DGKB: variants seen among roughly 807,000 people sequenced by gnomAD.
DGKB encodes diacylglycerol kinase beta.
A neutral mutation model predicts 114.3 loss-of-function variants in DGKB; 67 were observed. The ratio of observed to expected loss-of-function variants is 0.59; its 90% CI spans 0.48 to 0.72. DGKB has a LOEUF of 0.72. Ranked by LOEUF, DGKB falls within the 30% of genes least tolerant of loss-of-function variation. The pLI is 0.00. For missense variants in DGKB, 907 were observed against 975.2 expected (o/e 0.93, Z 0.93); for synonymous variants, 398 against 323.1 (o/e 1.23, Z -2.49).
At chr7:14,920,622 T>G (rs924922892) in intron 1 of DGKB, among the ~76,000 whole-genome samples, 2 of 152,198 alleles carry the variant, frequency 1.3e-5, no homozygotes, top group Non-Finnish European at 1.5e-5. Context: ...TCTTATCATA[T>G]GATCCAGCAA....
chr7:14,561,421 G>T (rs115303143), intron 20 of DGKB, among the ~76,000 whole-genome samples: 1 of 152,154 alleles, frequency 6.6e-6, no homozygotes. Flanking sequence ...CAAGAGTGGC[G>T]TGCTGTTTTA....
At chr7:14,933,731 C>G (rs1421126149) in intron 1 of DGKB, among the ~76,000 whole-genome samples, 1 of 152,076 alleles carries the variant, frequency 6.6e-6, no homozygotes, top group Non-Finnish European at 1.5e-5. Context: ...GTTTAACAAG[C>G]TTCTACAGAA....
chr7:14,365,023 T>C (rs1196577991), intron 21 of DGKB, among the ~76,000 whole-genome samples: 2 of 151,940 alleles, frequency 1.3e-5, no homozygotes, highest in Non-Finnish European at 2.9e-5. Context: ...ACTTTTCTTT[T>C]GAAACTTACC....
chr7:14,903,232 T>TGTGTGG (rs1485843959), upstream of DGKB: 1 of 153,416 alleles, frequency 6.5e-6, no homozygotes, highest in African/African-American at 2.4e-5. Flanking sequence ...TGTGTGTGTG[T>TGTGTGG]GTGTGTGTGT....
At chr7:14,297,562 A>T (rs1291170294) in intron 23 of DGKB, among the ~76,000 whole-genome samples, 1 of 152,198 alleles carries the variant, frequency 6.6e-6, no homozygotes, top group African/African-American at 2.4e-5. Context: ...TCTCAAAATA[A>T]TAAGAGCTGT....
At chr7:14,403,519 A>AC (rs1554410088) in intron 21 of DGKB, among the ~76,000 whole-genome samples, 1 of 30,082 alleles carries the variant, frequency 3.3e-5, no homozygotes, top group Non-Finnish European at 2.7e-4. Context: ...ACCATTTTCC[A>AC]TTTTAAAAAA....
chr7:14,852,305 T>A (rs1849460770), intron 1 of DGKB, among the ~76,000 whole-genome samples: 1 of 151,612 alleles, frequency 6.6e-6, no homozygotes, highest in African/African-American at 2.4e-5. Context: ...TGTTTGTGTG[T>A]GTGTGTTTAA....
At chr7:14,655,067 G>A (rs1245049367) in intron 13 of DGKB, among the ~76,000 whole-genome samples, 6 of 151,660 alleles carry the variant, frequency 4.0e-5, no homozygotes, top group African/African-American at 7.3e-5. Flanking sequence ...TTTGCTCAGC[G>A]AAGGAAACAA....
intron 1 of DGKB, among the ~76,000 whole-genome samples, chr7:14,930,079 G>C (rs1296115989): frequency 2.0e-5 from 3 of 152,010 alleles, no homozygotes; most frequent in African/African-American, 7.2e-5. Context: ...CCATTGATCT[G>C]TGTGTCTATT....
At chr7:14,834,980 A>T (rs1441251720) in intron 2 of DGKB, among the ~76,000 whole-genome samples, 1 of 152,196 alleles carries the variant, frequency 6.6e-6, no homozygotes, top group African/African-American at 2.4e-5. Flanking sequence ...CAGAGAAGCC[A>T]CCAACAGGAA....
intron 1 of DGKB, among the ~76,000 whole-genome samples, chr7:14,846,540 G>A (rs982839680): frequency 2.6e-5 from 4 of 152,268 alleles, no homozygotes; most frequent in Non-Finnish European, 4.4e-5. Flanking sequence ...TATAGTCCCC[G>A]CCTCTTCATA....
intron 23 of DGKB, among the ~76,000 whole-genome samples, chr7:14,335,815 G>A (rs193235654): frequency 4.6e-5 from 7 of 152,118 alleles, no homozygotes; most frequent in Non-Finnish European, 7.4e-5. Flanking sequence ...GTGCAGTGGC[G>A]CAATCATAGC....
At chr7:14,531,035 AT>A (rs1213983758) in intron 20 of DGKB, among the ~76,000 whole-genome samples, 1 of 151,536 alleles carries the variant, frequency 6.6e-6, no homozygotes, top group Non-Finnish European at 1.5e-5. Flanking sequence ...ACATGTTATA[AT>A]TACTTCTACA....
At chr7:14,813,472 G>A (rs925037029) in intron 2 of DGKB, among the ~76,000 whole-genome samples, 7 of 152,100 alleles carry the variant, frequency 4.6e-5, no homozygotes, top group Admixed American at 3.9e-4. Flanking sequence ...AGAATTGATG[G>A]CTGTGGAGCC....
intron 23 of DGKB, among the ~76,000 whole-genome samples, chr7:14,301,331 T>C (rs995153568): frequency 6.6e-6 from 1 of 152,092 alleles, no homozygotes; most frequent in African/African-American, 2.4e-5. Context: ...CATTGGTGTC[T>C]CTATCTTTTC....
At chr7:14,358,605 G>A (rs1298298890) in intron 21 of DGKB, among the ~76,000 whole-genome samples, 1 of 152,116 alleles carries the variant, frequency 6.6e-6, no homozygotes, top group Non-Finnish European at 1.5e-5. Flanking sequence ...CTTCAGCAAA[G>A]TCTCATGATA....
chr7:14,181,862 A>G (rs1307559941), intron 23 of DGKB, among the ~76,000 whole-genome samples: 1 of 152,228 alleles, frequency 6.6e-6, no homozygotes, highest in Non-Finnish European at 1.5e-5. Context: ...GAGTAAACAG[A>G]GACAAGCTTT....
At chr7:14,862,284 T>C (rs1363533341) in intron 1 of DGKB, among the ~76,000 whole-genome samples, 5 of 152,154 alleles carry the variant, frequency 3.3e-5, no homozygotes, top group African/African-American at 1.2e-4. Context: ...GTTACCACTG[T>C]GTGTATGTAT....
intron 13 of DGKB, among the ~76,000 whole-genome samples, chr7:14,643,657 AGGT>A (rs1480696465): frequency 6.6e-6 from 1 of 152,186 alleles, no homozygotes; most frequent in African/African-American, 2.4e-5. Flanking sequence ...TCCAGGACAC[AGGT>A]AGCTGAAGCA....
Sources: allele counts gnomAD v4.1 joint callset (sites outside exome capture counted in the v4.1 genomes callset), GRCh38; gene constraint gnomAD v4.1.1; transcripts MANE v1.5; gene names NCBI Gene and HGNC (gene_info 2026-07-23, HGNC 2026-07-21).